SCFD2: variants seen among roughly 807,000 people sequenced by gnomAD.
The protein encoded by SCFD2 is sec1 family domain-containing protein 2.
Under a neutral mutation model 58.9 loss-of-function variants are expected in SCFD2, and 54 were observed. The observed-to-expected ratio is 0.92, with a 90% confidence interval of 0.74 to 1.15. SCFD2 has a LOEUF of 1.15. Ranked by LOEUF, SCFD2 falls within the 50% of genes most tolerant of loss-of-function variation. SCFD2 has a pLI of 0.00. For missense variants in SCFD2, 805 were observed against 836.6 expected (o/e 0.96, Z 0.47); for synonymous variants, 321 against 335.9 (o/e 0.96, Z 0.49).
chr4:53,334,664 G>A (rs544378147), intron 2 of SCFD2, among the ~76,000 whole-genome samples: 2 of 151,642 alleles, frequency 1.3e-5, no homozygotes, highest in Non-Finnish European at 2.9e-5. Flanking sequence ...TGACGAGTTA[G>A]TGGGTGCAGC....
At chr4:53,069,849 A>G (rs570323305) in intron 5 of SCFD2, among the ~76,000 whole-genome samples, 1 of 152,160 alleles carries the variant, frequency 6.6e-6, no homozygotes, top group Non-Finnish European at 1.5e-5. Flanking sequence ...TTTAAAAACT[A>G]TATTAGACAT....
At chr4:53,031,147 A>G (rs1252025932) in intron 5 of SCFD2, among the ~76,000 whole-genome samples, 1 of 152,160 alleles carries the variant, frequency 6.6e-6, no homozygotes. Context: ...CAGGGTCAGG[A>G]ATGGACCTCC....
chr4:53,168,402 G>C (rs1392197832), intron 4 of SCFD2, among the ~76,000 whole-genome samples: 1 of 152,090 alleles, frequency 6.6e-6, no homozygotes, highest in Non-Finnish European at 1.5e-5. Flanking sequence ...TTCCAGATAA[G>C]AGCTCACAAC....
intron 7 of SCFD2, among the ~76,000 whole-genome samples, chr4:52,896,532 G>T (rs1255649002): frequency 1.3e-5 from 2 of 152,070 alleles, no homozygotes; most frequent in Non-Finnish European, 2.9e-5. Flanking sequence ...CTCTGTTTTG[G>T]TACCAGTACC....
intron 4 of SCFD2, among the ~76,000 whole-genome samples, chr4:53,195,831 T>C (rs1728042330): frequency 1.3e-5 from 2 of 152,182 alleles, no homozygotes; most frequent in South Asian, 2.1e-4. Flanking sequence ...ATTTCCAAGA[T>C]ATTAAAAATG....
chr4:53,269,236 G>A (rs779655584), intron 4 of SCFD2, among the ~76,000 whole-genome samples: 4 of 152,094 alleles, frequency 2.6e-5, no homozygotes, highest in South Asian at 2.1e-4. Context: ...GAGGTGGGAG[G>A]ATCACTTGAG....
chr4:52,979,457 C>T (rs1721327622), intron 5 of SCFD2, among the ~76,000 whole-genome samples: 1 of 151,962 alleles, frequency 6.6e-6, no homozygotes, highest in Admixed American at 6.6e-5. Flanking sequence ...TAGGAGACTC[C>T]ATTTTTATGT....
At chr4:53,044,828 G>GT (rs200573912) in intron 5 of SCFD2, among the ~76,000 whole-genome samples, 24,537 of 133,636 alleles carry the variant, frequency 0.18, 3,683 homozygotes, top group African/African-American at 0.43. Flanking sequence ...GAGTATTTCT[G>GT]TTTTTTTTTT....
chr4:53,009,312 A>T (rs1393857937), intron 5 of SCFD2, among the ~76,000 whole-genome samples: 1 of 152,226 alleles, frequency 6.6e-6, no homozygotes, highest in Non-Finnish European at 1.5e-5. Flanking sequence ...TAGGCACTAA[A>T]TAAACAAAGG....
chr4:53,194,513 C>T (rs1050232076), intron 4 of SCFD2, among the ~76,000 whole-genome samples: 6 of 152,074 alleles, frequency 3.9e-5, no homozygotes, highest in Admixed American at 6.6e-5. Flanking sequence ...CTTCATATTA[C>T]GGATGAACAT....
chr4:53,107,350 T>G (rs1725035019), intron 5 of SCFD2, among the ~76,000 whole-genome samples: 1 of 152,202 alleles, frequency 6.6e-6, no homozygotes. Context: ...AGCATCATAA[T>G]GACAGGATTA....
At chr4:53,039,973 C>T (rs969618043) in intron 5 of SCFD2, among the ~76,000 whole-genome samples, 2 of 152,180 alleles carry the variant, frequency 1.3e-5, no homozygotes, top group African/African-American at 4.8e-5. Context: ...TACACTCCTT[C>T]TGTCTTGAAC....
chr4:53,251,351 G>C (rs906631053), intron 4 of SCFD2, among the ~76,000 whole-genome samples: 2 of 152,016 alleles, frequency 1.3e-5, no homozygotes, highest in African/African-American at 2.4e-5. Context: ...CCAATCAATA[G>C]AAAAAGAGGG....
chr4:52,953,241 A>G (rs570353838), intron 5 of SCFD2, among the ~76,000 whole-genome samples: 2 of 152,338 alleles, frequency 1.3e-5, no homozygotes, highest in South Asian at 4.1e-4. Flanking sequence ...GCAGCCATTT[A>G]ACTACAGTAG....
At chr4:53,338,157 C>T (rs980391530) in intron 2 of SCFD2, among the ~76,000 whole-genome samples, 1 of 152,206 alleles carries the variant, frequency 6.6e-6, no homozygotes, top group African/African-American at 2.4e-5. Context: ...TTTCAGACTT[C>T]TGACATCCAG....
chr4:52,949,596 T>A (rs1720533595), intron 5 of SCFD2: 1 of 152,168 alleles, frequency 6.6e-6, no homozygotes, highest in Non-Finnish European at 1.5e-5. Flanking sequence ...TTTCCTACAG[T>A]GTTACTGAGA....
rs141665988 is a variant in SCFD2, at chr4:53,100,275, C to G, written c.1561+45058G>C. 3.9e-5 allele frequency among the ~76,000 whole-genome samples: 6 copies of G among 152,224 alleles called. No individual in the cohort carries two copies. In the East Asian group the frequency reaches 1.2e-3, roughly 29 times the overall value. On this transcript the variant is annotated intron_variant, in intron 5 of 8. Coordinates refer to ENST00000401642, the MANE Select transcript of SCFD2 (RefSeq NM_152540.4). ...GTTCAATGTAGGATAATAATAGCAA[C>G]TACTTACTAGGGCTTCTAAGAAGAA...
intron 2 of SCFD2, among the ~76,000 whole-genome samples, chr4:53,330,455 A>G (rs1278597546): frequency 1.3e-5 from 2 of 152,192 alleles, no homozygotes; most frequent in South Asian, 2.1e-4. Flanking sequence ...ATTCTTAAAG[A>G]AAAGAATTTT....
intron 5 of SCFD2, among the ~76,000 whole-genome samples, chr4:53,129,979 A>C (rs1273928222): frequency 6.6e-6 from 1 of 152,216 alleles, no homozygotes; most frequent in Non-Finnish European, 1.5e-5. Flanking sequence ...GGGTTTATAA[A>C]TTAGTTTACA....
Sources: allele counts gnomAD v4.1 joint callset (sites outside exome capture counted in the v4.1 genomes callset), GRCh38; gene constraint gnomAD v4.1.1; transcripts MANE v1.5; gene names NCBI Gene and HGNC (gene_info 2026-07-23, HGNC 2026-07-21).